NHEJ1: variants seen among roughly 807,000 people sequenced by gnomAD.
NHEJ1 encodes non-homologous end joining factor 1, also known as non-homologous end-joining factor 1.
In NHEJ1, 22 loss-of-function variants were observed where a neutral mutation model predicts 39.4. The observed-to-expected ratio is 0.56, with a 90% CI of 0.40 to 0.80. NHEJ1 has a LOEUF of 0.80. Among genes scored for constraint, NHEJ1 ranks in the 30% least tolerant of loss-of-function variants. NHEJ1 has a pLI of 0.00. For missense variants in NHEJ1, 329 were observed against 357.1 expected (o/e 0.92, Z 0.63); for synonymous variants, 154 against 135.6 (o/e 1.14, Z -0.94).
chr2:219,098,797 T>TTAAA (rs1282141197), intron 5 of NHEJ1, among the ~76,000 whole-genome samples: 1 of 152,148 alleles, frequency 6.6e-6, no homozygotes, highest in Non-Finnish European at 1.5e-5. Flanking sequence ...AAAAAATTTT[T>TTAAA]TAAATAAATA....
At chr2:219,083,866 C>A (rs1416272223) in intron 5 of NHEJ1, among the ~76,000 whole-genome samples, 1 of 152,022 alleles carries the variant, frequency 6.6e-6, no homozygotes, top group African/African-American at 2.4e-5. Flanking sequence ...ACAGATGGTT[C>A]CTGACTTAGG....
At position 219,080,584 on chromosome 2, in the gene NHEJ1, C is replaced by A. The variant is rs1158998734; in HGVS notation, c.589-2378G>T. On this transcript the variant is annotated intron_variant, in intron 5 of 7. Transcript: ENST00000356853. ...ATATATATATGCTTTTATATATATA[C>A]GCTTATATATATATGCTAATATATA... 6.3e-4 allele frequency among the ~76,000 whole-genome samples: 51 copies of A among 80,660 alleles called. 1 individual carries two copies. The highest frequency in any genetic ancestry group is 1.6e-3 in the African/African-American group (44 of 27,430). The allele number at this position is 80,660 out of a possible 152,430, so 52.9% of individuals were successfully genotyped here.
chr2:219,085,940 C>A (rs2106325089), intron 5 of NHEJ1, among the ~76,000 whole-genome samples: 1 of 152,214 alleles, frequency 6.6e-6, no homozygotes, highest in South Asian at 2.1e-4. Flanking sequence ...AAGTCCAGGT[C>A]CTACATATAC....
rs975627605 is a variant in NHEJ1 at position 219,073,246 on chromosome 2, A to G, written c.*3135T>C. 1.3e-5 allele frequency among the ~76,000 whole-genome samples: 2 copies of G among 152,202 alleles called. No homozygotes were observed. The highest frequency in any genetic ancestry group is 2.9e-5 in the Non-Finnish European group (2 of 68,042). On this transcript the variant is annotated 3_prime_UTR_variant, in exon 8 of 8. Transcript: ENST00000356853. ...CTCTTCGCCACCTTACACCATAGGA[A>G]TTCGCTTCTCAGGAATCAGGGAAAG... is the stretch of plus-strand genomic sequence containing the variant.
chr2:219,127,044 G>C (rs1386077845), intron 5 of NHEJ1, among the ~76,000 whole-genome samples: 1 of 152,106 alleles, frequency 6.6e-6, no homozygotes, highest in Non-Finnish European at 1.5e-5. Context: ...TGTAAGTAGT[G>C]GCCAGATCAT....
At position 219,111,624 on chromosome 2, in the gene NHEJ1, T is replaced by TATAGAC. The variant is rs1427920547; in HGVS notation, c.589-33419_589-33418insGTCTAT. Among the ~76,000 whole-genome samples, 5 of 54,462 alleles carry TATAGAC rather than the reference T, an allele frequency of 9.2e-5. No individual in the cohort carries two copies. The highest frequency in any genetic ancestry group is 1.7e-4 in the Non-Finnish European group (4 of 24,038). The allele number at this position is 54,462 out of a possible 152,430, so 35.7% of individuals were successfully genotyped here. ...ACCAGAATTAAGTCTACAGTGTGAA[T>TATAGAC]ACAGACACACACACACACACACACA... is the stretch of plus-strand genomic sequence containing the variant. On this transcript the variant is annotated intron_variant, in intron 5 of 7. Transcript: ENST00000356853. The surrounding 1 kb of genome is among the most constrained non-coding windows in gnomAD (Gnocchi z 4.1).
rs866694655 is a variant in NHEJ1 at position 219,080,630 on chromosome 2, T to C, written c.589-2424A>G. 2.0e-3 allele frequency among the ~76,000 whole-genome samples: 277 copies of C among 138,174 alleles called. 2 individuals carry two copies. The highest frequency in any genetic ancestry group is 7.7e-3 in the African/African-American group (261 of 33,706). The allele number at this position is 138,174 out of a possible 152,430, so 90.6% of individuals were successfully genotyped here. A position where few individuals can be genotyped will look rare whatever the true frequency, so the allele number is the denominator to read the frequency against. ...ATATATAAGCTTATATATATGCTAA[T>C]ATATATAAGCTTATATATATGCTAA... On this transcript the variant is annotated intron_variant, in intron 5 of 7. Coordinates refer to ENST00000356853, the MANE Select transcript of NHEJ1 (RefSeq NM_024782.3).
intron 5 of NHEJ1, among the ~76,000 whole-genome samples, chr2:219,080,799 G>A (rs1949059871): frequency 6.6e-6 from 1 of 151,794 alleles, no homozygotes. Context: ...GCATCTAGAA[G>A]AACCCTGAGC....
At chr2:219,106,413 A>C (rs1559192332) in intron 5 of NHEJ1, among the ~76,000 whole-genome samples, 2 of 152,178 alleles carry the variant, frequency 1.3e-5, no homozygotes, top group Non-Finnish European at 2.9e-5. Flanking sequence ...ACACTGGGAG[A>C]GTGTAAACAC....
Position 219,135,691 on chromosome 2 carries a change from T to C in NHEJ1, c.588+10989A>G, listed in dbSNP as rs375768604. ...CAAATGGATTTCTTAGACTGGAGAT[T>C]TAAAGCAAGTAAGTGTGGCTCATGC... is the stretch of plus-strand genomic sequence containing the variant. On this transcript the variant is annotated intron_variant, in intron 5 of 7. Transcript: ENST00000356853. Among the ~76,000 whole-genome samples the C allele has an allele frequency of 1.2e-4, 18 of 152,108 alleles. No homozygotes were observed. In the South Asian group the frequency reaches 3.7e-3, roughly 32 times the overall value.
At chr2:219,154,026 A>G (rs79177216) in intron 3 of NHEJ1, among the ~76,000 whole-genome samples, 1,895 of 152,370 alleles carry the variant, frequency 0.012, 45 homozygotes, top group African/African-American at 0.043. Flanking sequence ...ACTGTATACA[A>G]CAACAAAAGA....
chr2:219,140,487 T>C (rs1014074267), intron 5 of NHEJ1, among the ~76,000 whole-genome samples: 3 of 152,196 alleles, frequency 2.0e-5, no homozygotes, highest in Non-Finnish European at 4.4e-5. Context: ...TCCAGTATGG[T>C]AGCAGCAGAG....
intron 5 of NHEJ1, among the ~76,000 whole-genome samples, chr2:219,135,699 AG>A (rs1949620977): frequency 6.6e-6 from 1 of 150,466 alleles, no homozygotes; most frequent in East Asian, 2.0e-4. Context: ...ATTTAAAGCA[AG>A]TAAGTGTGGC....
In NHEJ1 at chr2:219,080,322, G is replaced by A. The variant is rs867052070; in HGVS notation, c.589-2116C>T. On this transcript the variant is annotated intron_variant, in intron 5 of 7. Coordinates refer to ENST00000356853, the MANE Select transcript of NHEJ1 (RefSeq NM_024782.3). ...GAGGCCGAGGCGGGCGGATCACAAC[G>A]TCAGGAGAACGAGACCACGGTGAAA... Among the ~76,000 whole-genome samples, 14 of 151,786 alleles carry A rather than the reference G, an allele frequency of 9.2e-5. No homozygotes were observed. In the East Asian group the frequency reaches 1.5e-3, roughly 17 times the overall value.
intron 5 of NHEJ1, among the ~76,000 whole-genome samples, chr2:219,132,067 G>A (rs1574731558): frequency 6.6e-6 from 1 of 152,210 alleles, no homozygotes; most frequent in South Asian, 2.1e-4. Context: ...AGAGTGGCTT[G>A]ATATAGCCTT....
At chr2:219,134,862 A>AC (rs1949610676) in intron 5 of NHEJ1, among the ~76,000 whole-genome samples, 1 of 151,862 alleles carries the variant, frequency 6.6e-6, no homozygotes, top group Non-Finnish European at 1.5e-5. Context: ...ACATGGTGAA[A>AC]CCCCGTCTCT....
In NHEJ1 at chr2:219,076,089, G is replaced by A; in HGVS notation, c.*292C>T. On this transcript the variant is annotated 3_prime_UTR_variant, in exon 8 of 8. Coordinates refer to ENST00000356853, the MANE Select transcript of NHEJ1 (RefSeq NM_024782.3). ...AGACAAGGCTTCCTGAGTGTGTGGT[G>A]CTTTCTTGCTGACTTGCCCTATATA... is the stretch of plus-strand genomic sequence containing the variant. The A allele has an allele frequency of 1.8e-6, 1 of 567,790 alleles. No homozygotes were observed. Among genetic ancestry groups the A allele is most frequent in the Non-Finnish European group, 3.1e-6 (1 of 325,888 alleles). 35.2% of individuals were successfully genotyped at this position (567,790 alleles called of 1,614,324 possible).
At chr2:219,095,307 T>C in intron 5 of NHEJ1, 1 of 470,890 alleles carries the variant, frequency 2.1e-6, no homozygotes, top group Non-Finnish European at 4.4e-6. Context: ...GCATGTAGAG[T>C]TCTAGGCCAA....
intron 3 of NHEJ1, among the ~76,000 whole-genome samples, chr2:219,153,025 A>G (rs1949812915): frequency 6.6e-6 from 1 of 151,676 alleles, no homozygotes; most frequent in African/African-American, 2.4e-5. Context: ...CTGGTCTCGA[A>G]CTCCTGACCT....
Sources: gnomAD v4.1 joint callset for allele counts (sites outside exome capture counted in the v4.1 genomes callset) on GRCh38, gnomAD v4.1.1 for gene constraint, Gnocchi (gnomAD v3.1) non-coding constraint, MANE v1.5 for transcripts, NCBI Gene and HGNC (gene_info 2026-07-23, HGNC 2026-07-21) for gene names.